Variants in SMYD1 observed in about 807,000 individuals in gnomAD.
SMYD1 encodes histone-lysine N-methyltransferase SMYD1.
SMYD1 carries 49 observed loss-of-function variants against 54.0 expected under a neutral mutation model. The observed-to-expected ratio is 0.91, with a 90% CI of 0.72 to 1.15. The LOEUF is 1.15. Among genes scored for constraint, SMYD1 ranks in the 50% most tolerant of loss-of-function variants. The probability of loss-of-function intolerance (pLI) is 0.00; values close to 1 mark genes in which losing one functional copy is unlikely to be tolerated. For missense variants in SMYD1, 653 were observed against 639.6 expected (o/e 1.02, Z -0.23); for synonymous variants, 269 against 234.2 (o/e 1.15, Z -1.36).
chr2:88,093,690 T>A (rs1038679945), intron 5 of SMYD1, 135 bp downstream of exon 5: 6 of 950,592 alleles, frequency 6.3e-6, no homozygotes, highest in Non-Finnish European at 1.0e-5. Context: ...CAGTGTCTCA[T>A]CTTTTTAATG....
chr2:88,089,597 T>G (rs1470045168), intron 3 of SMYD1, among the ~76,000 whole-genome samples: 1 of 145,736 alleles, frequency 6.9e-6, no homozygotes, highest in Admixed American at 6.8e-5. Flanking sequence ...TTTTTTTTTT[T>G]TTTTTTTTTT....
Position 88,108,507 on chromosome 2 carries a change from G to C in SMYD1, c.1282G>C (p.Gly428Arg). The change falls in exon 9 of 10, where the codon GGA becomes CGA. Residue 428 changes from glycine (G) to arginine (R), a missense_variant. Transcript: ENST00000419482. ...KAYAILLVTH[G>R]PSHPITKDLE... Reference sequence around the variant, plus strand: ...CTATGCCATTCTCCTGGTGACACACGGACCCTCCCACCCCATCACTAAGGA... The same window carrying C: ...CTATGCCATTCTCCTGGTGACACACCGACCCTCCCACCCCATCACTAAGGA... 1 of 1,606,446 alleles carries C rather than the reference G, an allele frequency of 6.2e-7. No homozygotes were observed. The highest frequency in any genetic ancestry group is 1.1e-5 in the South Asian group (1 of 89,694).
intron 5 of SMYD1, among the ~76,000 whole-genome samples, chr2:88,094,461 G>T (rs528687394): frequency 6.6e-6 from 1 of 152,258 alleles, no homozygotes; most frequent in East Asian, 1.9e-4. Flanking sequence ...GTCCAGAGTG[G>T]GGATGAAGCT....
At chr2:88,095,197 C>T (rs150004776) in intron 5 of SMYD1, among the ~76,000 whole-genome samples, 4 of 152,306 alleles carry the variant, frequency 2.6e-5, no homozygotes, top group East Asian at 1.9e-4. Context: ...CAGAATCACC[C>T]GGCCTTCCTC....
chr2:88,067,840 C>A lies in SMYD1; in HGVS notation c.-25C>A. The stretch of plus-strand genomic sequence containing the variant: ...GACTTGGCTCAGTGTTAAATAACTG[C>A]CGCGCTGGCCTGACAGTCTCTGAGA... On this transcript the variant is annotated 5_prime_UTR_variant, in exon 1 of 10. Transcript: ENST00000419482. The A allele has an allele frequency of 6.2e-7, 1 of 1,608,618 alleles. No individual in the cohort carries two copies. Among genetic ancestry groups the A allele is most frequent in the Admixed American group, 1.7e-5 (1 of 58,860 alleles).
intron 1 of SMYD1, among the ~76,000 whole-genome samples, chr2:88,077,848 C>T (rs1288172981): frequency 6.6e-6 from 1 of 151,932 alleles, no homozygotes; most frequent in African/African-American, 2.4e-5. Context: ...CTCAGCCTCC[C>T]TAGTAACTGG....
At chr2:88,101,149 G>A (rs1364365470) in intron 6 of SMYD1, among the ~76,000 whole-genome samples, 2 of 152,232 alleles carry the variant, frequency 1.3e-5, no homozygotes, top group African/African-American at 4.8e-5. Flanking sequence ...GAAGAAGGAG[G>A]GAAGATGGTC....
intron 7 of SMYD1, among the ~76,000 whole-genome samples, chr2:88,104,040 C>T (rs1268049329): frequency 6.6e-6 from 1 of 151,084 alleles, no homozygotes; most frequent in African/African-American, 2.4e-5. Context: ...GATTTCGGCT[C>T]ACTGCAAGCT....
chr2:88,087,857 CACA>C lies in SMYD1; in HGVS notation c.315-4_315-2del. 1 of 1,560,404 alleles carries C rather than the reference CACA, an allele frequency of 6.4e-7. No homozygotes were observed. Among genetic ancestry groups the C allele is most frequent in the Non-Finnish European group, 8.7e-7 (1 of 1,152,692 alleles). ...AGTGGCCTCCTGACGCTGCCCTTCCCACAGGCTGGCGGCGCGCATCATGTGGCG... is the reference window on the plus strand; with the variant it reads ...AGTGGCCTCCTGACGCTGCCCTTCCCGGCTGGCGGCGCGCATCATGTGGCG... On this transcript the variant is annotated splice_acceptor_variant and splice_polypyrimidine_tract_variant and intron_variant, in intron 2 of 9. Transcript: ENST00000419482. LOFTEE classifies it high-confidence loss of function.
In SMYD1 at chr2:88,095,812, G is replaced by C. The variant is rs535387434; in HGVS notation, c.699-783G>C. On this transcript the variant is annotated intron_variant, in intron 5 of 9. Coordinates refer to ENST00000419482, the MANE Select transcript of SMYD1 (RefSeq NM_198274.4). ...TGACCTCCACCTGTTTGGCTCAGCT[G>C]GATGTCAGTTCTGCAGTGGGTTTTT... 3.9e-5 allele frequency among the ~76,000 whole-genome samples: 6 copies of C among 152,342 alleles called. 1 individual carries two copies. The South Asian group carries it at 1.2e-3, about 32-fold the overall frequency.
At chr2:88,104,959 C>T (rs554801794) in intron 7 of SMYD1, among the ~76,000 whole-genome samples, 2 of 152,204 alleles carry the variant, frequency 1.3e-5, no homozygotes, top group Admixed American at 1.3e-4. Flanking sequence ...TTCCTGGGAG[C>T]CTCCTTCTCT....
In SMYD1 at chr2:88,103,060, C is replaced by A. The variant is rs1453822460; in HGVS notation, c.891C>A (p.Pro297=). 6.2e-7 allele frequency: 1 copy of A among 1,613,810 alleles called. No homozygotes were observed. Among genetic ancestry groups the A allele is most frequent in the Non-Finnish European group, 8.5e-7 (1 of 1,179,884 alleles). ...LFLGVKDNPK[P]SQEVVKEMIQ... ...CTCAATGTGTCTCTCTTTCCCAGCC[C>A]TCTCAGGAAGTGGTGAAGGAGATGA... The change falls in exon 7 of 10, where the codon CCC becomes CCA. Residue 297 remains proline (P), a splice_region_variant and synonymous_variant. Transcript: ENST00000419482.
chr2:88,082,449 A>T (rs1373953030), intron 1 of SMYD1: 1 of 152,630 alleles, frequency 6.6e-6, no homozygotes, highest in Non-Finnish European at 1.5e-5. Flanking sequence ...AGGATGTAGC[A>T]TAGAGCAGTA....
intron 3 of SMYD1, among the ~76,000 whole-genome samples, chr2:88,090,536 C>G (rs913679210): frequency 6.6e-6 from 1 of 152,000 alleles, no homozygotes; most frequent in African/African-American, 2.4e-5. Flanking sequence ...AAACTATGCA[C>G]CAGATACAAA....
At chr2:88,085,198 G>C (rs546943645) in intron 2 of SMYD1, among the ~76,000 whole-genome samples, 6 of 152,200 alleles carry the variant, frequency 3.9e-5, no homozygotes, top group Admixed American at 2.0e-4. Context: ...AGTAGTATCT[G>C]CCACCTTTGA....
At chr2:88,071,769 G>A (rs1212617066) in intron 1 of SMYD1, among the ~76,000 whole-genome samples, 1 of 152,156 alleles carries the variant, frequency 6.6e-6, no homozygotes, top group Non-Finnish European at 1.5e-5. Context: ...TATGGTAGTT[G>A]AGATACCGGG....
intron 1 of SMYD1, among the ~76,000 whole-genome samples, chr2:88,076,185 G>A (rs1558846823): frequency 6.6e-6 from 1 of 152,092 alleles, no homozygotes; most frequent in East Asian, 1.9e-4. Flanking sequence ...CCCAGCCTGG[G>A]GACTGCTTGA....
chr2:88,097,135 T>C (rs1674608215), intron 6 of SMYD1, among the ~76,000 whole-genome samples: 2 of 152,236 alleles, frequency 1.3e-5, no homozygotes. Context: ...CTCCTCTTAC[T>C]CCTTTATGAG....
chr2:88,100,762 G>A (rs1021804969), intron 6 of SMYD1, among the ~76,000 whole-genome samples: 4 of 152,184 alleles, frequency 2.6e-5, no homozygotes, highest in African/African-American at 9.7e-5. Context: ...GCAGGCAGGA[G>A]GGCAGCCAAA....
Sources: allele counts gnomAD v4.1 joint callset (sites outside exome capture counted in the v4.1 genomes callset), GRCh38; gene constraint gnomAD v4.1.1; transcripts MANE v1.5; gene names NCBI Gene and HGNC (gene_info 2026-07-23, HGNC 2026-07-21).